Variants in NOX4 observed in about 807,000 individuals in gnomAD.
NOX4 encodes the protein NADPH oxidase 4.
In NOX4, 69 loss-of-function variants were observed where a neutral mutation model predicts 87.6. That is an observed-to-expected ratio of 0.79 (90% CI 0.65 to 0.96). The LOEUF (loss-of-function observed/expected upper bound fraction) is 0.96. Among genes scored for constraint, NOX4 ranks in the 40% least tolerant of loss-of-function variants. The probability of loss-of-function intolerance (pLI) is 0.00; values close to 1 mark genes in which losing one functional copy is unlikely to be tolerated. For synonymous variants in NOX4, 275 were observed against 238.2 expected, an observed-to-expected ratio of 1.15 and a Z score of -1.42; for missense variants, 680 against 681.5, an observed-to-expected ratio of 1.00 and a Z score of 0.02.
the NOX4 span, among the ~76,000 whole-genome samples, chr11:89,572,205 T>C: frequency 6.6e-6 from 1 of 152,242 alleles, no homozygotes; most frequent in Non-Finnish European, 1.5e-5. Context: ...GTCCTTAACC[T>C]TGGCAAAATA....
chr11:89,549,921 C>G, the NOX4 span, among the ~76,000 whole-genome samples: 5 of 152,102 alleles, frequency 3.3e-5, no homozygotes, highest in Non-Finnish European at 5.9e-5. Flanking sequence ...GGATTCATTC[C>G]AAGTCTTTGC....
At chr11:89,490,664 A>G (rs772121686) in intron 1 of NOX4, 111 bp from the exon 2 acceptor site, 1 of 778,300 alleles carries the variant, frequency 1.3e-6, no homozygotes, top group South Asian at 1.4e-5. Flanking sequence ...TGGAACCTAA[A>G]TCAGTAACTG....
intron 11 of NOX4, among the ~76,000 whole-genome samples, chr11:89,391,698 C>G (rs1044729091): frequency 4.7e-5 from 7 of 148,086 alleles, no homozygotes; most frequent in Non-Finnish European, 7.4e-5. Flanking sequence ...CATGATCACA[C>G]CACTGCTGCC....
At chr11:89,558,306 G>T in the NOX4 span, among the ~76,000 whole-genome samples, 1 of 152,042 alleles carries the variant, frequency 6.6e-6, no homozygotes, top group African/African-American at 2.4e-5. Context: ...AAGACATAAA[G>T]AAACCAACTG....
At position 89,324,633 on chromosome 11, in the gene NOX4, T is replaced by G. The variant is rs559349829; in HGVS notation, c.*2123A>C. Reference sequence around the variant, plus strand: ...CCTGTTTTAATGAAATTAGGTCTATTAATATGATCGCATAAATAAATTATG... The same window carrying G: ...CCTGTTTTAATGAAATTAGGTCTATGAATATGATCGCATAAATAAATTATG... On this transcript the variant is annotated 3_prime_UTR_variant, in exon 18 of 18. Transcript: ENST00000263317. 6.6e-6 allele frequency: 1 copy of G among 152,330 alleles called. No individual in the cohort carries two copies. The highest frequency in any genetic ancestry group is 2.4e-5 in the African/African-American group (1 of 41,578). The allele number at this position is 152,330 out of a possible 1,614,324, so 9.4% of individuals were successfully genotyped here. A position where few individuals can be genotyped will look rare whatever the true frequency, so the allele number is the denominator to read the frequency against.
At chr11:89,504,592 G>A in the NOX4 span, among the ~76,000 whole-genome samples, 1 of 151,908 alleles carries the variant, frequency 6.6e-6, no homozygotes, top group African/African-American at 2.4e-5. Context: ...TTGGAAACTA[G>A]GGTCTACCAA....
At chr11:89,480,252 G>T (rs1366819980) in intron 2 of NOX4, among the ~76,000 whole-genome samples, 1 of 151,948 alleles carries the variant, frequency 6.6e-6, no homozygotes, top group African/African-American at 2.4e-5. Flanking sequence ...ATTTTTTTTG[G>T]CATGAAGACA....
At chr11:89,427,087 G>A (rs538636442) in intron 7 of NOX4, among the ~76,000 whole-genome samples, 1 of 152,170 alleles carries the variant, frequency 6.6e-6, no homozygotes, top group Admixed American at 6.5e-5. Flanking sequence ...TCTGCAGCCT[G>A]CACTGCTGAT....
intron 2 of NOX4, among the ~76,000 whole-genome samples, chr11:89,480,229 A>G (rs1356944056): frequency 6.6e-6 from 1 of 152,180 alleles, no homozygotes; most frequent in Admixed American, 6.6e-5. Flanking sequence ...TTGCATGCTA[A>G]GGGTTGACTG....
chr11:89,532,413 C>A, the NOX4 span, among the ~76,000 whole-genome samples: 1 of 152,150 alleles, frequency 6.6e-6, no homozygotes, highest in Non-Finnish European at 1.5e-5. Context: ...TTAACGACTG[C>A]CCTGTTGGGT....
At chr11:89,428,925 C>A (rs1014756470) in intron 7 of NOX4, among the ~76,000 whole-genome samples, 1 of 152,186 alleles carries the variant, frequency 6.6e-6, no homozygotes, top group Admixed American at 6.5e-5. Flanking sequence ...TTCTCAGAAC[C>A]ACATCGCACT....
At chr11:89,499,544 C>T (rs1946995811), upstream of NOX4, among the ~76,000 whole-genome samples, 1 of 152,176 alleles carries the variant, frequency 6.6e-6, no homozygotes, top group Non-Finnish European at 1.5e-5. Context: ...TCTTCCTCAA[C>T]AATCTGGCAT....
chr11:89,333,259 C>G (rs1209124048), intron 17 of NOX4, among the ~76,000 whole-genome samples: 1 of 151,754 alleles, frequency 6.6e-6, no homozygotes, highest in Non-Finnish European at 1.5e-5. Context: ...TTAGCTCGTT[C>G]TTCCTAGCAA....
At chr11:89,572,388 A>G in the NOX4 span, among the ~76,000 whole-genome samples, 5 of 152,146 alleles carry the variant, frequency 3.3e-5, no homozygotes, top group African/African-American at 1.2e-4. Context: ...GCTCAACTAA[A>G]TTGTGGTCAA....
At chr11:89,442,064 T>C (rs929616713) in intron 5 of NOX4, among the ~76,000 whole-genome samples, 4 of 149,468 alleles carry the variant, frequency 2.7e-5, no homozygotes, top group Non-Finnish European at 5.9e-5. Flanking sequence ...TACATAAGTA[T>C]ATATACACTT....
the NOX4 span, among the ~76,000 whole-genome samples, chr11:89,547,393 C>T: frequency 6.6e-6 from 1 of 152,100 alleles, no homozygotes; most frequent in Non-Finnish European, 1.5e-5. Flanking sequence ...ATAATTTCTC[C>T]TTCTTGAAGC....
intron 11 of NOX4, among the ~76,000 whole-genome samples, chr11:89,398,874 A>T (rs1211879609): frequency 6.6e-6 from 1 of 151,960 alleles, no homozygotes; most frequent in African/African-American, 2.4e-5. Context: ...AATGAGGCAC[A>T]TACAGTAATA....
the NOX4 span, chr11:89,557,050 G>A: frequency 3.3e-5 from 5 of 152,242 alleles, no homozygotes; most frequent in South Asian, 1.0e-3. Flanking sequence ...GCTTATGCCT[G>A]AACATTTAAC....
chr11:89,383,212 C>T (rs573816297), intron 11 of NOX4, among the ~76,000 whole-genome samples: 10 of 152,320 alleles, frequency 6.6e-5, no homozygotes, highest in East Asian at 3.9e-4. Context: ...TAAGCCACAG[C>T]GGTCTGGGAT....
Sources: allele counts gnomAD v4.1 joint callset (sites outside exome capture counted in the v4.1 genomes callset), GRCh38; gene constraint gnomAD v4.1.1; transcripts MANE v1.5; gene names NCBI Gene and HGNC (gene_info 2026-07-23, HGNC 2026-07-21).